Variants in CST8 observed in about 807,000 individuals in gnomAD.
CST8 encodes the protein cystatin-8.
Under a neutral mutation model 11.8 loss-of-function variants are expected in CST8, and 20 were observed. That is an observed-to-expected ratio of 1.70 (90% CI 1.20 to 2.47). The LOEUF (loss-of-function observed/expected upper bound fraction) is 2.47. Ranked by LOEUF, CST8 falls within the 30% of genes most tolerant of loss-of-function variation. CST8 has a pLI of 0.00. For missense variants in CST8, 196 were observed against 167.2 expected (o/e 1.17, Z -0.95); for synonymous variants, 77 against 63.1 (o/e 1.22, Z -1.05).
At chr20:23,491,968 G>A in intron 2 of CST8, 70 bp downstream of exon 2, 1 of 1,230,082 alleles carries the variant, frequency 8.1e-7, no homozygotes. Context: ...CTGAAAGAGT[G>A]GGCATATAAG....
At chr20:23,501,666 T>G in the CST8 span, among the ~76,000 whole-genome samples, 1 of 152,240 alleles carries the variant, frequency 6.6e-6, no homozygotes. Flanking sequence ...AAGGCGACAC[T>G]GCGAATGTAC....
At position 23,495,990 on chromosome 20, in the gene CST8, C is replaced by A; in HGVS notation, c.*76C>A. The A allele has an allele frequency of 3.5e-6, 4 of 1,151,962 alleles. No individual in the cohort carries two copies. Among genetic ancestry groups the A allele is most frequent in the Non-Finnish European group, 5.1e-6 (4 of 783,654 alleles). 71.4% of individuals were successfully genotyped at this position (1,151,962 alleles called of 1,614,324 possible). On this transcript the variant is annotated 3_prime_UTR_variant, in exon 4 of 4. Coordinates refer to ENST00000246012, the MANE Select transcript of CST8 (RefSeq NM_005492.4). ...ATGAAGCAATGGCAGGTGGGAGGCT[C>A]TTCCCAATGTGCTTTCTTCATGCAT...
At chr20:23,506,601 A>AT in the CST8 span, among the ~76,000 whole-genome samples, 1,153 of 150,940 alleles carry the variant, frequency 7.6e-3, 11 homozygotes, top group Middle Eastern at 0.01. Flanking sequence ...TATCACACAG[A>AT]TTTTTTTTTT....
At chr20:23,498,003 G>A (rs1988095416), downstream of CST8, among the ~76,000 whole-genome samples, 1 of 151,962 alleles carries the variant, frequency 6.6e-6, no homozygotes, top group Admixed American at 6.6e-5. Context: ...GTGTGTGTGT[G>A]TATTTGTGTG....
chr20:23,501,336 A>T, the CST8 span, among the ~76,000 whole-genome samples: 2 of 152,190 alleles, frequency 1.3e-5, no homozygotes, highest in African/African-American at 4.8e-5. Context: ...AACTTTCTGA[A>T]AATTACCCTA....
chr20:23,496,449 G>C (rs185272644), downstream of CST8, among the ~76,000 whole-genome samples: 2,054 of 152,146 alleles, frequency 0.014, 32 homozygotes, highest in African/African-American at 0.045. Flanking sequence ...AAATAGGGTG[G>C]GGGTCACAGA....
downstream of CST8, among the ~76,000 whole-genome samples, chr20:23,496,317 G>A (rs1025712960): frequency 2.0e-5 from 3 of 151,828 alleles, no homozygotes; most frequent in African/African-American, 7.3e-5. Context: ...GAGTATAAAG[G>A]GAAAAATTTT....
the CST8 span, among the ~76,000 whole-genome samples, chr20:23,502,177 G>A: frequency 1.3e-5 from 2 of 152,212 alleles, no homozygotes; most frequent in East Asian, 1.9e-4. Context: ...TGTAGCCACA[G>A]AAGCCACCTA....
At chr20:23,500,450 C>A (rs1988156452), downstream of CST8, among the ~76,000 whole-genome samples, 1 of 152,090 alleles carries the variant, frequency 6.6e-6, no homozygotes, top group Admixed American at 6.5e-5. Context: ...TAACTTAATC[C>A]CATCTGCTCA....
At chr20:23,497,902 AAG>A (rs1988091419), downstream of CST8, among the ~76,000 whole-genome samples, 1 of 152,184 alleles carries the variant, frequency 6.6e-6, no homozygotes, top group Non-Finnish European at 1.5e-5. Flanking sequence ...AATGGTCACA[AAG>A]AGAGAGGGGT....
In CST8 at chr20:23,491,801, T is replaced by C. The variant is rs1183391461; in HGVS notation, c.134T>C (p.Val45Ala). ...LKPVNASNANVKQCLWFAMQE... is the reference protein window; with the variant it reads ...LKPVNASNANAKQCLWFAMQE... ...CCCGTCAATGCCTCAAATGCCAACG[T>C]GAAGCAGTGTCTGTGGTTTGCCATG... Residue 45 changes from valine to alanine, a missense_variant, in exon 2 of 4, where the codon GTG becomes GCG. Val to Ala is a moderately conservative substitution (Grantham distance 64, BLOSUM62 0). Transcript: ENST00000246012. The C allele has an allele frequency of 6.2e-7, 1 of 1,614,096 alleles. No homozygotes were observed.
chr20:23,494,519 G>A (rs1164326427), intron 3 of CST8, among the ~76,000 whole-genome samples: 2 of 152,156 alleles, frequency 1.3e-5, no homozygotes, highest in East Asian at 3.9e-4. Flanking sequence ...TACTCAGCAG[G>A]GACTAAACTT....
chr20:23,502,413 C>T, the CST8 span, among the ~76,000 whole-genome samples: 3 of 152,172 alleles, frequency 2.0e-5, no homozygotes, highest in Non-Finnish European at 4.4e-5. Flanking sequence ...TCTCACAATG[C>T]CCCTGACTCT....
intron 2 of CST8, among the ~76,000 whole-genome samples, chr20:23,492,437 A>T (rs1157478651): frequency 6.6e-6 from 1 of 152,030 alleles, no homozygotes; most frequent in Non-Finnish European, 1.5e-5. Flanking sequence ...TCATGCCTGC[A>T]TGGGTCCTCA....
chr20:23,493,456 C>T (rs185205152), intron 3 of CST8, among the ~76,000 whole-genome samples: 318 of 152,354 alleles, frequency 2.1e-3, no homozygotes, highest in African/African-American at 6.2e-3. Flanking sequence ...AAAGGAACTT[C>T]ATTCATTCAC....
chr20:23,498,050 A>G (rs2122210695), downstream of CST8, among the ~76,000 whole-genome samples: 1 of 151,878 alleles, frequency 6.6e-6, no homozygotes, highest in East Asian at 1.9e-4. Flanking sequence ...GAGAGGGAAG[A>G]GGGAGAGAGG....
At chr20:23,499,170 G>A (rs575916532), downstream of CST8, among the ~76,000 whole-genome samples, 7 of 152,258 alleles carry the variant, frequency 4.6e-5, no homozygotes, top group East Asian at 1.4e-3. Flanking sequence ...GTACAGATCT[G>A]CTTCCTGTAC....
intron 3 of CST8, 106 bp from the exon 4 acceptor site, chr20:23,495,725 C>T: frequency 3.6e-6 from 3 of 828,788 alleles, no homozygotes; most frequent in Non-Finnish European, 5.9e-6. Context: ...ACCCATCTGT[C>T]AGCACACACC....
At chr20:23,496,036 GT>G (rs991420197), downstream of CST8, 7 of 756,906 alleles carry the variant, frequency 9.2e-6, no homozygotes, top group Non-Finnish European at 6.5e-6. Context: ...TTGGTGTTTT[GT>G]TTTTTAGTTG....
Sources: gnomAD v4.1 joint callset for allele counts (sites outside exome capture counted in the v4.1 genomes callset) on GRCh38, gnomAD v4.1.1 for gene constraint, MANE v1.5 for transcripts, NCBI Gene and HGNC (gene_info 2026-07-23, HGNC 2026-07-21) for gene names.